Variants in NRXN3 observed in about 807,000 individuals in gnomAD.
NRXN3 encodes neurexin 3.
Under a neutral mutation model 137.6 loss-of-function variants are expected in NRXN3, and 32 were observed. The observed-to-expected ratio is 0.23, with a 90% confidence interval of 0.18 to 0.31. NRXN3 has a LOEUF of 0.31. Among genes scored for constraint, NRXN3 ranks in the 10% least tolerant of loss-of-function variants. The probability of loss-of-function intolerance (pLI) is 1.00; values close to 1 mark genes in which losing one functional copy is unlikely to be tolerated. For synonymous variants in NRXN3, 798 were observed against 784.5 expected (o/e 1.02, Z -0.29); for missense variants, 1,574 against 2,062.5 (o/e 0.76, Z 4.59).
chr14:79,344,431 T>C (rs1332467397), intron 15 of NRXN3, among the ~76,000 whole-genome samples: 1 of 152,194 alleles, frequency 6.6e-6, no homozygotes, highest in Non-Finnish European at 1.5e-5. Flanking sequence ...GAGTCTGTTG[T>C]CACATAGGAA....
chr14:78,191,608 A>C (rs959198420), intron 1 of NRXN3, among the ~76,000 whole-genome samples: 2 of 152,112 alleles, frequency 1.3e-5, no homozygotes, highest in Non-Finnish European at 2.9e-5. Flanking sequence ...GGCCAGATAG[A>C]CTGGGAAAGC....
intron 19 of NRXN3, among the ~76,000 whole-genome samples, chr14:79,705,672 C>A (rs182013189): frequency 2.2e-4 from 33 of 152,178 alleles, no homozygotes; most frequent in African/African-American, 7.5e-4. Flanking sequence ...CCTGCAGCAG[C>A]CCTTCCCTGC....
chr14:79,340,752 C>A (rs1459370562), intron 15 of NRXN3, among the ~76,000 whole-genome samples: 1 of 152,258 alleles, frequency 6.6e-6, no homozygotes, highest in African/African-American at 2.4e-5. Flanking sequence ...GCGTAAGCCA[C>A]CGCGCCTGGC....
At chr14:78,555,028 T>C (rs2096725815) in intron 4 of NRXN3, among the ~76,000 whole-genome samples, 1 of 152,078 alleles carries the variant, frequency 6.6e-6, no homozygotes, top group Non-Finnish European at 1.5e-5. Flanking sequence ...TGCTCTGCCA[T>C]TCATCAGCTT....
At chr14:79,517,101 C>CG (rs557167110) in intron 16 of NRXN3, among the ~76,000 whole-genome samples, 6 of 150,602 alleles carry the variant, frequency 4.0e-5, no homozygotes, top group South Asian at 4.2e-4. Flanking sequence ...AGCCCCCCCC[C>CG]CCTCAACGAA....
At chr14:78,604,302 G>GTT (rs11323166) in intron 4 of NRXN3, among the ~76,000 whole-genome samples, 5 of 141,544 alleles carry the variant, frequency 3.5e-5, no homozygotes, top group South Asian at 2.3e-4. Context: ...TTGGTCATTT[G>GTT]TTTTTTTTTT....
intron 4 of NRXN3, among the ~76,000 whole-genome samples, chr14:78,369,495 G>C (rs2086488176): frequency 6.6e-6 from 1 of 152,006 alleles, no homozygotes; most frequent in Admixed American, 6.5e-5. Flanking sequence ...GAAAGTTTTT[G>C]GTGTTTCTAA....
At chr14:78,703,503 G>C (rs1451501732) in intron 6 of NRXN3, 1 of 152,204 alleles carries the variant, frequency 6.6e-6, no homozygotes, top group African/African-American at 2.4e-5. Flanking sequence ...GGAAGCTGAA[G>C]AGAATAAGTT....
At chr14:79,836,342 A>G (rs11623525) in intron 20 of NRXN3, among the ~76,000 whole-genome samples, 46,666 of 152,040 alleles carry the variant, frequency 0.31, 7,846 homozygotes, top group Admixed American at 0.43. Context: ...AGTTCTGATG[A>G]TGCTCATTCA....
chr14:78,190,402 C>T (rs888061090), intron 1 of NRXN3, among the ~76,000 whole-genome samples: 5 of 152,178 alleles, frequency 3.3e-5, no homozygotes, highest in Non-Finnish European at 7.3e-5. Flanking sequence ...GGAATTCCAC[C>T]TCCCAGAAAG....
intron 15 of NRXN3, among the ~76,000 whole-genome samples, chr14:79,044,881 C>T (rs138478203): frequency 1.9e-4 from 28 of 150,312 alleles, no homozygotes; most frequent in Admixed American, 1.7e-3. Context: ...CATTTTCTTC[C>T]AGTTTTTTCC....
rs918446935 is a variant in NRXN3 at position 79,049,012 on chromosome 14, A to G, written c.3262+60871A>G. Among the ~76,000 whole-genome samples the G allele has an allele frequency of 5.8e-5, 6 of 103,942 alleles. No homozygotes were observed. In the East Asian group the frequency reaches 9.6e-4, roughly 17 times the overall value. The allele number at this position is 103,942 out of a possible 152,430, so 68.2% of individuals were successfully genotyped here. On this transcript the variant is annotated intron_variant, in intron 15 of 20. Transcript: ENST00000335750. Reference sequence around the variant, plus strand: ...CACTCCAGCCTGGGCGACAGAGCGAAACTCCGTCTCAAAAAAAAAAAAAAA... The same window carrying G: ...CACTCCAGCCTGGGCGACAGAGCGAGACTCCGTCTCAAAAAAAAAAAAAAA...
At chr14:79,333,725 C>T (rs1439834837) in intron 15 of NRXN3, among the ~76,000 whole-genome samples, 1 of 151,660 alleles carries the variant, frequency 6.6e-6, no homozygotes, top group East Asian at 1.9e-4. Flanking sequence ...GCTGAAATTG[C>T]TAGAGAAATA....
intron 8 of NRXN3, among the ~76,000 whole-genome samples, chr14:78,802,756 G>A (rs537751446): frequency 4.1e-4 from 62 of 152,158 alleles, no homozygotes; most frequent in Admixed American, 1.0e-3. Context: ...GACCAGCCTG[G>A]GCAACATGGC....
chr14:78,266,545 C>T (rs542520442), intron 2 of NRXN3, among the ~76,000 whole-genome samples: 1 of 152,302 alleles, frequency 6.6e-6, no homozygotes, highest in Admixed American at 6.5e-5. Context: ...GATCCGCCCA[C>T]CTTGGCCTCC....
intron 15 of NRXN3, among the ~76,000 whole-genome samples, chr14:79,415,238 G>A (rs541796294): frequency 6.6e-6 from 1 of 151,960 alleles, no homozygotes; most frequent in South Asian, 2.1e-4. Context: ...ACATTTTTTG[G>A]ATACATAATT....
At chr14:79,772,967 G>C (rs1295462448) in intron 19 of NRXN3, among the ~76,000 whole-genome samples, 3 of 152,088 alleles carry the variant, frequency 2.0e-5, no homozygotes, top group African/African-American at 7.2e-5. Context: ...AGTGGGCAAA[G>C]GATATGAACA....
intron 10 of NRXN3, among the ~76,000 whole-genome samples, chr14:78,884,756 T>C (rs1326308882): frequency 6.6e-6 from 1 of 152,110 alleles, no homozygotes; most frequent in Non-Finnish European, 1.5e-5. Context: ...GAAGGGAAAG[T>C]TGAAGCCAAA....
chr14:78,930,823 A>G (rs1266774945), intron 10 of NRXN3, among the ~76,000 whole-genome samples: 1 of 152,170 alleles, frequency 6.6e-6, no homozygotes, highest in African/African-American at 2.4e-5. Flanking sequence ...TCTTCTAGGT[A>G]TATCTATCCC....
Sources: allele counts gnomAD v4.1 joint callset (sites outside exome capture counted in the v4.1 genomes callset), GRCh38; gene constraint gnomAD v4.1.1; transcripts MANE v1.5; gene names NCBI Gene and HGNC (gene_info 2026-07-23, HGNC 2026-07-21).